PTPN13: variants seen among roughly 807,000 people sequenced by gnomAD.
The protein encoded by PTPN13 is tyrosine-protein phosphatase non-receptor type 13.
In PTPN13, 191 loss-of-function variants were observed where a neutral mutation model predicts 284.0. That is an observed-to-expected ratio of 0.67 (90% CI 0.60 to 0.76). The LOEUF is 0.76. PTPN13 is among the 30% of genes least tolerant of loss of function. PTPN13 has a pLI of 0.00. For synonymous variants in PTPN13, 986 were observed against 1,022.3 expected (o/e 0.96, Z 0.68); for missense variants, 2,797 against 2,939.9 (o/e 0.95, Z 1.12).
At chr4:86,624,617 AATTG>A (rs1228992233) in intron 1 of PTPN13, among the ~76,000 whole-genome samples, 2 of 152,198 alleles carry the variant, frequency 1.3e-5, no homozygotes, top group Non-Finnish European at 2.9e-5. Context: ...CTCATCTTAG[AATTG>A]ATTAACATCA....
At position 86,779,232 on chromosome 4, in the gene PTPN13, G is replaced by A. The variant is rs186361913; in HGVS notation, c.5892-1170G>A. On this transcript the variant is annotated intron_variant, in intron 35 of 47. Coordinates refer to ENST00000411767, the MANE Select transcript of PTPN13 (RefSeq NM_080683.3). Reference sequence around the variant, plus strand: ...AGACTGCAATGCCAGTTTCCTCTACGGTGAAACCCCGTCTCTACTAAAAAT... The same window carrying A: ...AGACTGCAATGCCAGTTTCCTCTACAGTGAAACCCCGTCTCTACTAAAAAT... 9.9e-5 allele frequency among the ~76,000 whole-genome samples: 15 copies of A among 152,056 alleles called. No homozygotes were observed. In the East Asian group the frequency reaches 1.5e-3, roughly 16 times the overall value.
chr4:86,622,122 G>T (rs1183668095), intron 1 of PTPN13, among the ~76,000 whole-genome samples: 1 of 152,080 alleles, frequency 6.6e-6, no homozygotes, highest in African/African-American at 2.4e-5. Flanking sequence ...TCTTCCTTCT[G>T]AATTGCACAC....
chr4:86,766,585 G>T, intron 27 of PTPN13, 68 bp downstream of exon 27: 1 of 1,118,038 alleles, frequency 8.9e-7, no homozygotes, highest in South Asian at 1.7e-5. Flanking sequence ...AATAACATCA[G>T]TTCTCATTGA....
chr4:86,676,160 C>T (rs1177565135), intron 3 of PTPN13, among the ~76,000 whole-genome samples: 9 of 152,180 alleles, frequency 5.9e-5, no homozygotes, highest in African/African-American at 2.2e-4. Context: ...TTCTCTGTCC[C>T]GTTTTCATTC....
intron 10 of PTPN13, among the ~76,000 whole-genome samples, chr4:86,732,178 C>A (rs1031439533): frequency 1.3e-5 from 2 of 152,106 alleles, no homozygotes; most frequent in Admixed American, 6.5e-5. Context: ...AGATGGGGAA[C>A]AACTTGTTTC....
Position 86,784,601 on chromosome 4 carries a change from A to G in PTPN13, c.6118+43A>G, listed in dbSNP as rs759687143. On this transcript the variant is annotated intron_variant, in intron 38 of 47. Coordinates refer to ENST00000411767, the MANE Select transcript of PTPN13 (RefSeq NM_080683.3). ...TCATCTAATTACTCTAAATGCCCTA[A>G]TAATTCAGGTAATTAAAAAAAAATA... 4.6e-6 allele frequency: 6 copies of G among 1,296,882 alleles called. No individual in the cohort carries two copies. In the Admixed American group the frequency reaches 6.5e-5, roughly 14 times the overall value. 80.3% of individuals were successfully genotyped at this position (1,296,882 alleles called of 1,614,324 possible).
At position 86,775,342 on chromosome 4, in the gene PTPN13, G is replaced by C; in HGVS notation, c.5680G>C (p.Gly1894Arg). Reference protein sequence around the residue: ...ITLTCNKEELGFSLCGGHDSL... With the variant: ...ITLTCNKEELRFSLCGGHDSL... ...ACTAACGTGCAACAAAGAGGAGTTG[G>C]GTAATGAAAAGTCAAACTTTGTACA... The change falls in exon 34 of 48, where the codon GGT becomes CGT. Residue 1894 changes from glycine (G) to arginine (R), a missense_variant and splice_region_variant. Gly to Arg is a moderately radical substitution (Grantham distance 125, BLOSUM62 -2). Transcript: ENST00000411767. 6.2e-7 allele frequency: 1 copy of C among 1,610,994 alleles called. No individual in the cohort carries two copies. Among genetic ancestry groups the C allele is most frequent in the Non-Finnish European group, 8.5e-7 (1 of 1,178,594 alleles).
At chr4:86,635,207 G>A in intron 1 of PTPN13, 45 bp from the exon 2 acceptor site, 1 of 1,551,616 alleles carries the variant, frequency 6.4e-7, no homozygotes, top group Non-Finnish European at 8.7e-7. Context: ...TGCAAGTATA[G>A]TTAAGTTGCT....
At chr4:86,681,120 T>G (rs1728856681) in intron 3 of PTPN13, among the ~76,000 whole-genome samples, 1 of 152,214 alleles carries the variant, frequency 6.6e-6, no homozygotes, top group Admixed American at 6.5e-5. Context: ...ACACATAGTC[T>G]GTGTTCCAAG....
intron 2 of PTPN13, among the ~76,000 whole-genome samples, chr4:86,639,828 A>T (rs538367941): frequency 2.7e-5 from 4 of 149,916 alleles, no homozygotes; most frequent in Non-Finnish European, 4.5e-5. Context: ...TTAAAGTATA[A>T]AAAAAAAAAT....
chr4:86,784,290 A>G (rs1565570956), intron 37 of PTPN13, among the ~76,000 whole-genome samples, 175 bp from the exon 38 acceptor site: 1 of 152,136 alleles, frequency 6.6e-6, no homozygotes, highest in Non-Finnish European at 1.5e-5. Context: ...GGGAAGCCCC[A>G]TGCCCTATGC....
At chr4:86,682,075 G>A (rs892372481) in intron 3 of PTPN13, among the ~76,000 whole-genome samples, 2 of 152,318 alleles carry the variant, frequency 1.3e-5, no homozygotes, top group South Asian at 4.1e-4. Flanking sequence ...TGATAGTAGT[G>A]TTATAGATAC....
intron 27 of PTPN13, 76 bp from the exon 28 acceptor site, chr4:86,767,741 C>A: frequency 8.4e-7 from 1 of 1,184,520 alleles, no homozygotes; most frequent in Non-Finnish European, 1.1e-6. Context: ...ATACCATTAA[C>A]TATACAAAGT....
intron 3 of PTPN13, among the ~76,000 whole-genome samples, chr4:86,684,398 T>G (rs1729224334): frequency 6.6e-6 from 1 of 152,124 alleles, no homozygotes; most frequent in Non-Finnish European, 1.5e-5. Flanking sequence ...ATGTGCCTAG[T>G]GTTTAGGTTG....
At chr4:86,812,946 C>T (rs956566245) in intron 47 of PTPN13, among the ~76,000 whole-genome samples, 2 of 152,050 alleles carry the variant, frequency 1.3e-5, no homozygotes, top group Admixed American at 1.3e-4. Context: ...GGGGTGGCTA[C>T]AGCTGGAGTG....
chr4:86,622,330 C>T (rs890110050), intron 1 of PTPN13, among the ~76,000 whole-genome samples: 3 of 152,128 alleles, frequency 2.0e-5, no homozygotes, highest in African/African-American at 7.2e-5. Flanking sequence ...TAAAAACATA[C>T]TGTAGTTTTG....
chr4:86,619,852 A>C (rs949996315), intron 1 of PTPN13, among the ~76,000 whole-genome samples: 2 of 151,588 alleles, frequency 1.3e-5, no homozygotes, highest in Non-Finnish European at 2.9e-5. Flanking sequence ...TGACTTGCTA[A>C]TCTCCCTTTT....
rs143098156 is a variant in PTPN13 at position 86,609,990 on chromosome 4, T to C, written c.-6+15201T>C. ...TAAGTATGAATACTAAGACTAAATA[T>C]GGAGTTAGTCTTATTATGTACCTAA... is the stretch of plus-strand genomic sequence containing the variant. On this transcript the variant is annotated intron_variant, in intron 1 of 47. Transcript: ENST00000411767. Among the ~76,000 whole-genome samples, 848 of 152,238 alleles carry C rather than the reference T, an allele frequency of 5.6e-3. 10 individuals carry two copies. Among genetic ancestry groups the C allele is most frequent in the African/African-American group, 0.019 (807 of 41,536 alleles).
chr4:86,652,547 C>T (rs1004162054), intron 2 of PTPN13, among the ~76,000 whole-genome samples: 2 of 152,166 alleles, frequency 1.3e-5, no homozygotes, highest in African/African-American at 4.8e-5. Context: ...TAGGTTGGAA[C>T]AGTTTTTTCC....
Sources: gnomAD v4.1 joint callset for allele counts (sites outside exome capture counted in the v4.1 genomes callset) on GRCh38, gnomAD v4.1.1 for gene constraint, MANE v1.5 for transcripts, NCBI Gene and HGNC (gene_info 2026-07-23, HGNC 2026-07-21) for gene names.